The following PTPRD variants were observed in gnomAD, a reference collection of about 807,000 sequenced individuals.
PTPRD encodes protein tyrosine phosphatase receptor type D, also known as receptor-type tyrosine-protein phosphatase delta.
In PTPRD, 34 loss-of-function variants were observed where a neutral mutation model predicts 214.5. That is an observed-to-expected ratio of 0.16 (90% CI 0.12 to 0.21). The LOEUF (loss-of-function observed/expected upper bound fraction) is 0.21, where lower values mean the gene tolerates loss of function less well. Among genes scored for constraint, PTPRD ranks in the 10% least tolerant of loss-of-function variants. The pLI is 1.00. For missense variants in PTPRD, 2,545 were observed against 2,398.7 expected, an observed-to-expected ratio of 1.06 and a Z score of -1.27; for synonymous variants, 1,128 against 845.7, an observed-to-expected ratio of 1.33 and a Z score of -5.79.
intron 2 of PTPRD, among the ~76,000 whole-genome samples, chr9:10,443,873 T>A (rs1233461818): frequency 1.3e-5 from 2 of 148,508 alleles, no homozygotes; most frequent in African/African-American, 5.1e-5. Flanking sequence ...ACAAATGTTT[T>A]TCCAACCTCT....
At chr9:8,612,825 C>T (rs2095496369) in intron 14 of PTPRD, among the ~76,000 whole-genome samples, 1 of 152,086 alleles carries the variant, frequency 6.6e-6, no homozygotes, top group African/African-American at 2.4e-5. Flanking sequence ...CTTTTTTATG[C>T]AAGACTATTA....
intron 5 of PTPRD, among the ~76,000 whole-genome samples, chr9:9,869,435 C>A (rs2064870589): frequency 6.6e-6 from 1 of 152,076 alleles, no homozygotes; most frequent in Admixed American, 6.6e-5. Flanking sequence ...CAGCTGAATT[C>A]ACCTATATCT....
chr9:8,524,879 CCT>C, intron 18 of PTPRD, 44 bp downstream of exon 18: 1 of 1,540,726 alleles, frequency 6.5e-7, no homozygotes, highest in Non-Finnish European at 9.0e-7. Context: ...CTCAACTCCC[CCT>C]GAGCCTGAAT....
intron 6 of PTPRD, among the ~76,000 whole-genome samples, chr9:9,740,603 T>C (rs901848229): frequency 6.6e-6 from 1 of 152,248 alleles, no homozygotes; most frequent in Middle Eastern, 3.4e-3. Flanking sequence ...CCTCGTGATC[T>C]GTCTGCCTTG....
At chr9:9,168,656 C>A (rs2099908710) in intron 10 of PTPRD, among the ~76,000 whole-genome samples, 1 of 151,976 alleles carries the variant, frequency 6.6e-6, no homozygotes, top group Non-Finnish European at 1.5e-5. Flanking sequence ...TTTTGAGACA[C>A]CACCACATAT....
chr9:9,324,619 A>C (rs888264437), intron 9 of PTPRD, among the ~76,000 whole-genome samples: 9 of 152,266 alleles, frequency 5.9e-5, no homozygotes, highest in Middle Eastern at 3.4e-3. Flanking sequence ...AGATTGCAAA[A>C]GTTTTCTCCC....
At chr9:10,502,147 C>A (rs941448284) in intron 2 of PTPRD, among the ~76,000 whole-genome samples, 3 of 151,604 alleles carry the variant, frequency 2.0e-5, no homozygotes, top group African/African-American at 4.8e-5. Context: ...AGCCAACATG[C>A]AAATTAGCAA....
chr9:10,314,074 T>C lies in PTPRD; in HGVS notation c.-545+26889A>G, dbSNP rs746374479. Among the ~76,000 whole-genome samples, 6 of 151,972 alleles carry C rather than the reference T, an allele frequency of 3.9e-5. No homozygotes were observed. In the East Asian group the frequency reaches 9.7e-4, roughly 25 times the overall value. On this transcript the variant is annotated intron_variant, in intron 3 of 45. Coordinates refer to ENST00000381196, the MANE Select transcript of PTPRD (RefSeq NM_002839.4). The stretch of plus-strand genomic sequence containing the variant: ...GAGATAGTTTAAAATAATTTTTTCA[T>C]TAGCCTAATAAATGTGAATTTTAAT...
At chr9:9,881,151 C>G (rs2068550710) in intron 5 of PTPRD, among the ~76,000 whole-genome samples, 6 of 151,934 alleles carry the variant, frequency 3.9e-5, no homozygotes, top group Admixed American at 3.3e-4. Context: ...AAAATAAATT[C>G]TATATTAGAC....
chr9:10,253,684 G>A (rs2092993495), intron 3 of PTPRD, among the ~76,000 whole-genome samples: 1 of 152,030 alleles, frequency 6.6e-6, no homozygotes, highest in Non-Finnish European at 1.5e-5. Context: ...CATTTGCTTG[G>A]GTAGTATCAG....
At chr9:10,112,069 A>G (rs775778080) in intron 3 of PTPRD, among the ~76,000 whole-genome samples, 16 of 152,228 alleles carry the variant, frequency 1.1e-4, no homozygotes, top group Non-Finnish European at 2.1e-4. Flanking sequence ...TGGGTAGGCC[A>G]ATGAATATCC....
Position 9,185,217 on chromosome 9 carries a change from C to T in PTPRD, c.-202-1854G>A, listed in dbSNP as rs141482459. ...CAAAACAATAACCAATCACAGAATC[C>T]AAGACCTTCTGCTCTTCACATATTA... is the stretch of plus-strand genomic sequence containing the variant. On this transcript the variant is annotated intron_variant, in intron 9 of 45. Transcript: ENST00000381196. Among the ~76,000 whole-genome samples, 1,033 of 152,152 alleles carry T rather than the reference C, an allele frequency of 6.8e-3. 8 individuals are homozygous for T. The highest frequency in any genetic ancestry group is 0.023 in the African/African-American group (960 of 41,546).
chr9:8,412,362 TGC>T (rs2093600359), intron 35 of PTPRD, among the ~76,000 whole-genome samples: 1 of 152,228 alleles, frequency 6.6e-6, no homozygotes, highest in Admixed American at 6.5e-5. Context: ...ACAATCAATG[TGC>T]AGCATTAAAC....
intron 2 of PTPRD, among the ~76,000 whole-genome samples, chr9:10,372,409 T>G (rs1036120529): frequency 1.3e-5 from 2 of 152,098 alleles, no homozygotes; most frequent in Admixed American, 6.6e-5. Context: ...GATATTTTTG[T>G]CATGTAATTC....
At chr9:10,254,072 A>C (rs1486955025) in intron 3 of PTPRD, among the ~76,000 whole-genome samples, 2 of 152,224 alleles carry the variant, frequency 1.3e-5, no homozygotes, top group East Asian at 3.9e-4. Flanking sequence ...CAAATTTTGC[A>C]AAAGGAGCTA....
intron 11 of PTPRD, among the ~76,000 whole-genome samples, chr9:8,820,955 G>C (rs2097047586): frequency 6.6e-6 from 1 of 152,098 alleles, no homozygotes; most frequent in Admixed American, 6.5e-5. Context: ...ATCAAACACA[G>C]TCCCAATTCA....
chr9:9,590,458 G>C (rs1189313691), intron 7 of PTPRD, among the ~76,000 whole-genome samples: 1 of 151,892 alleles, frequency 6.6e-6, no homozygotes, highest in East Asian at 1.9e-4. Context: ...AAGTGTTTTT[G>C]TATGAACATT....
intron 10 of PTPRD, chr9:9,091,359 A>G: frequency 1.4e-6 from 1 of 709,686 alleles, no homozygotes; most frequent in East Asian, 2.7e-5. Flanking sequence ...CTGGAACTGT[A>G]CATTTCTGTA....
intron 11 of PTPRD, among the ~76,000 whole-genome samples, chr9:8,786,319 G>A (rs1440703716): frequency 3.3e-5 from 5 of 151,442 alleles, no homozygotes; most frequent in Admixed American, 1.3e-4. Flanking sequence ...GTTCAATGCC[G>A]TGGTTATTTC....
Sources: gnomAD v4.1 joint callset for allele counts (sites outside exome capture counted in the v4.1 genomes callset) on GRCh38, gnomAD v4.1.1 for gene constraint, MANE v1.5 for transcripts, NCBI Gene and HGNC (gene_info 2026-07-23, HGNC 2026-07-21) for gene names.